The following SH3RF3 variants were observed in gnomAD, a reference collection of about 807,000 sequenced individuals.
The protein encoded by SH3RF3 is E3 ubiquitin-protein ligase SH3RF3.
Under a neutral mutation model 66.3 loss-of-function variants are expected in SH3RF3, and 29 were observed. That is an observed-to-expected ratio of 0.44 (90% CI 0.33 to 0.60). SH3RF3 has a LOEUF of 0.60. Among genes scored for constraint, SH3RF3 ranks in the 20% least tolerant of loss-of-function variants. The pLI is 0.04. For synonymous variants in SH3RF3, 583 were observed against 532.0 expected (o/e 1.10, Z -1.32); for missense variants, 1,194 against 1,190.9 (o/e 1.00, Z -0.04).
At chr2:109,423,065 C>T (rs1456221482) in intron 5 of SH3RF3, among the ~76,000 whole-genome samples, 1 of 152,176 alleles carries the variant, frequency 6.6e-6, no homozygotes, top group Non-Finnish European at 1.5e-5. Context: ...AAGGAAACTT[C>T]CACAGTCGAT....
At chr2:109,156,071 C>T (rs1416488486) in intron 1 of SH3RF3, among the ~76,000 whole-genome samples, 5 of 152,200 alleles carry the variant, frequency 3.3e-5, no homozygotes, top group African/African-American at 1.2e-4. Context: ...GAAGCTGGGT[C>T]CTCTCCTCTT....
intron 1 of SH3RF3, among the ~76,000 whole-genome samples, chr2:109,258,647 A>G (rs1316302523): frequency 1.3e-5 from 2 of 152,256 alleles, no homozygotes; most frequent in Non-Finnish European, 2.9e-5. Flanking sequence ...ACTGACCAGC[A>G]GGTCACCGGT....
intron 1 of SH3RF3, among the ~76,000 whole-genome samples, chr2:109,286,866 C>T (rs1041011867): frequency 6.6e-6 from 1 of 152,162 alleles, no homozygotes; most frequent in African/African-American, 2.4e-5. Flanking sequence ...ACTCTAAATT[C>T]GTTGACCGGT....
chr2:109,308,911 T>C (rs1263397209), intron 1 of SH3RF3, among the ~76,000 whole-genome samples: 1 of 80,470 alleles, frequency 1.2e-5, no homozygotes, highest in East Asian at 1.3e-3. Flanking sequence ...ATGCGGGCCC[T>C]TTTTTGGTTC....
intron 8 of SH3RF3, among the ~76,000 whole-genome samples, chr2:109,471,137 C>T (rs1465902207): frequency 7.0e-6 from 1 of 141,874 alleles, no homozygotes; most frequent in African/African-American, 2.7e-5. Context: ...CACTTGAACC[C>T]AGGGGGCAGA....
intron 7 of SH3RF3, among the ~76,000 whole-genome samples, chr2:109,446,214 A>G (rs1304936354): frequency 6.6e-6 from 1 of 152,182 alleles, no homozygotes; most frequent in African/African-American, 2.4e-5. Context: ...TTCTCACGCT[A>G]CAGTTTTTCT....
rs563693485 is a variant in SH3RF3 at position 109,271,204 on chromosome 2, G to A, written c.574-76470G>A. On this transcript the variant is annotated intron_variant, in intron 1 of 9. Coordinates refer to ENST00000309415, the MANE Select transcript of SH3RF3 (RefSeq NM_001099289.3). ...GCTAATGAGCAAAACAAGGTTTGCC[G>A]GCTTGAAATGGAAAAGCAACAGGGA... Among the ~76,000 whole-genome samples the A allele has an allele frequency of 1.4e-4, 22 of 152,208 alleles. No individual in the cohort carries two copies. The South Asian group carries it at 2.7e-3, about 19-fold the overall frequency.
intron 1 of SH3RF3, among the ~76,000 whole-genome samples, chr2:109,245,553 G>A (rs1206931702): frequency 3.3e-5 from 5 of 152,204 alleles, no homozygotes; most frequent in African/African-American, 1.2e-4. Flanking sequence ...TGGACAAACT[G>A]CACCTCTAGC....
chr2:109,471,321 A>G (rs1678502228), intron 8 of SH3RF3, among the ~76,000 whole-genome samples: 2 of 152,190 alleles, frequency 1.3e-5, no homozygotes, highest in Non-Finnish European at 2.9e-5. Flanking sequence ...GAAACTTACA[A>G]TCATGGCGGA....
chr2:109,267,352 G>T (rs937483971), intron 1 of SH3RF3, among the ~76,000 whole-genome samples: 2 of 152,126 alleles, frequency 1.3e-5, no homozygotes, highest in Non-Finnish European at 2.9e-5. Flanking sequence ...AACCCAAAAA[G>T]ACCCCAAAGG....
intron 1 of SH3RF3, among the ~76,000 whole-genome samples, chr2:109,330,659 G>T (rs1161599594): frequency 6.6e-6 from 1 of 152,144 alleles, no homozygotes; most frequent in East Asian, 1.9e-4. Flanking sequence ...AGGGATGATA[G>T]ATTGAGGAGT....
chr2:109,304,555 G>A (rs1398662641), intron 1 of SH3RF3, among the ~76,000 whole-genome samples: 1 of 152,156 alleles, frequency 6.6e-6, no homozygotes, highest in African/African-American at 2.4e-5. Flanking sequence ...GGGTAAGAGT[G>A]GTTAACTCCG....
intron 1 of SH3RF3, among the ~76,000 whole-genome samples, chr2:109,249,156 A>G (rs1244302133): frequency 6.6e-6 from 1 of 152,214 alleles, no homozygotes. Context: ...AGGATTGATT[A>G]CAGGTGTGGG....
At chr2:109,365,589 T>C (rs1008085103) in intron 2 of SH3RF3, among the ~76,000 whole-genome samples, 59 of 152,262 alleles carry the variant, frequency 3.9e-4, no homozygotes, top group African/African-American at 1.4e-3. Context: ...GACACCCCCC[T>C]GTTAGCTATT....
At chr2:109,167,728 C>G (rs1574484179) in intron 1 of SH3RF3, among the ~76,000 whole-genome samples, 1 of 152,118 alleles carries the variant, frequency 6.6e-6, no homozygotes, top group Non-Finnish European at 1.5e-5. Flanking sequence ...CCTGTCACCA[C>G]GCCTGGCTAA....
intron 1 of SH3RF3, among the ~76,000 whole-genome samples, chr2:109,211,952 A>T (rs768529362): frequency 8.5e-5 from 13 of 152,102 alleles, no homozygotes; most frequent in Non-Finnish European, 1.8e-4. Context: ...CCCTTCCCAC[A>T]TTTCTGTTAC....
At chr2:109,364,467 C>T (rs1178709426) in intron 2 of SH3RF3, among the ~76,000 whole-genome samples, 1 of 152,218 alleles carries the variant, frequency 6.6e-6, no homozygotes, top group Non-Finnish European at 1.5e-5. Context: ...TGCCACATCT[C>T]AATCTGGTTC....
At chr2:109,402,523 G>A (rs1249803374) in intron 4 of SH3RF3, among the ~76,000 whole-genome samples, 4 of 152,236 alleles carry the variant, frequency 2.6e-5, no homozygotes, top group African/African-American at 4.8e-5. Context: ...AGGAAGGCCC[G>A]CAGCCCCAGG....
chr2:109,235,354 C>T (rs1333752442), intron 1 of SH3RF3, among the ~76,000 whole-genome samples: 1 of 152,158 alleles, frequency 6.6e-6, no homozygotes, highest in African/African-American at 2.4e-5. Context: ...CTAAGGGCCA[C>T]TAAAGAGACC....
Sources: allele counts gnomAD v4.1 joint callset (sites outside exome capture counted in the v4.1 genomes callset), GRCh38; gene constraint gnomAD v4.1.1; transcripts MANE v1.5; gene names NCBI Gene and HGNC (gene_info 2026-07-23, HGNC 2026-07-21).